Variants in GVQW3 observed in about 807,000 individuals in gnomAD.
GVQW3 encodes protein GVQW3.
A neutral mutation model predicts 12.5 loss-of-function variants in GVQW3; 7 were observed. That is an observed-to-expected ratio of 0.56 (90% CI 0.32 to 1.05). The LOEUF (loss-of-function observed/expected upper bound fraction) is 1.05. Among genes scored for constraint, GVQW3 ranks in the 50% least tolerant of loss-of-function variants. The pLI is 0.04. For missense variants in GVQW3, 188 were observed against 190.8 expected (o/e 0.99, Z 0.09); for synonymous variants, 71 against 67.2 (o/e 1.06, Z -0.28).
intron 1 of GVQW3, among the ~76,000 whole-genome samples, chr11:76,394,468 C>T (rs189687365): frequency 4.6e-5 from 7 of 152,240 alleles, no homozygotes; most frequent in African/African-American, 1.7e-4. Flanking sequence ...TGGCTTATTT[C>T]ACTTAACATA....
At chr11:76,387,132 C>G (rs1421728970) in intron 1 of GVQW3, among the ~76,000 whole-genome samples, 1 of 151,924 alleles carries the variant, frequency 6.6e-6, no homozygotes, top group Admixed American at 6.6e-5. Context: ...TTTTTTTAAA[C>G]CATTGAAAAA....
At chr11:76,397,002 CTTTTTTTTTT>C (rs11401694) in intron 1 of GVQW3, among the ~76,000 whole-genome samples, 3 of 110,872 alleles carry the variant, frequency 2.7e-5, no homozygotes, top group African/African-American at 3.4e-5. Context: ...TCATTTATTC[CTTTTTTTTTT>C]TTTTTTTTTT....
At chr11:76,388,028 A>G (rs896224876) in intron 1 of GVQW3, among the ~76,000 whole-genome samples, 5 of 152,260 alleles carry the variant, frequency 3.3e-5, no homozygotes, top group African/African-American at 1.2e-4. Context: ...TCTGGTTCAC[A>G]AAATAAATTT....
At chr11:76,387,225 C>T (rs762779589) in intron 1 of GVQW3, among the ~76,000 whole-genome samples, 6 of 151,852 alleles carry the variant, frequency 4.0e-5, no homozygotes, top group Non-Finnish European at 8.8e-5. Context: ...CACCTGAGGT[C>T]AGGAGTTCGA....
At chr11:76,403,519 G>C (rs1947010723) in intron 1 of GVQW3, 141 bp from the exon 2 acceptor site, 1 of 401,608 alleles carries the variant, frequency 2.5e-6, no homozygotes, top group Non-Finnish European at 4.4e-6. Flanking sequence ...ACCCATGCTG[G>C]AGTATAGTGG....
At chr11:76,388,148 CAAT>C (rs951760389) in intron 1 of GVQW3, among the ~76,000 whole-genome samples, 1 of 152,126 alleles carries the variant, frequency 6.6e-6, no homozygotes, top group Non-Finnish European at 1.5e-5. Context: ...CTGCAACCAA[CAAT>C]AATAGAATGA....
chr11:76,401,773 CAAAA>C (rs5792720), intron 1 of GVQW3, among the ~76,000 whole-genome samples: 1 of 88,936 alleles, frequency 1.1e-5, no homozygotes, highest in Non-Finnish European at 2.3e-5. Context: ...AACTCTGTCT[CAAAA>C]AAAAAAAAAA....
intron 1 of GVQW3, among the ~76,000 whole-genome samples, chr11:76,395,335 T>C (rs1025266239): frequency 6.6e-6 from 1 of 152,246 alleles, no homozygotes; most frequent in Non-Finnish European, 1.5e-5. Flanking sequence ...ATGAATCAAC[T>C]TTCTATCTCT....
intron 1 of GVQW3, among the ~76,000 whole-genome samples, chr11:76,386,991 A>G: frequency 6.6e-6 from 1 of 152,348 alleles, no homozygotes. Context: ...CTCTTTTGCC[A>G]CTAAACATTT....
chr11:76,394,666 C>T (rs1946923642), intron 1 of GVQW3, among the ~76,000 whole-genome samples: 1 of 152,258 alleles, frequency 6.6e-6, no homozygotes, highest in Middle Eastern at 3.4e-3. Flanking sequence ...GTGCAGGTAT[C>T]TCTTTGATAT....
intron 1 of GVQW3, among the ~76,000 whole-genome samples, chr11:76,400,445 A>G (rs1946978872): frequency 6.7e-6 from 1 of 148,470 alleles, no homozygotes; most frequent in Non-Finnish European, 1.5e-5. Context: ...TTTGAGATGG[A>G]GTCTCACTTT....
Position 76,397,282 on chromosome 11 carries a change from A to G in GVQW3, c.466-6378A>G, listed in dbSNP as rs1012467431. Among the ~76,000 whole-genome samples the G allele has an allele frequency of 9.2e-5, 14 of 152,036 alleles. No homozygotes were observed. In the South Asian group the frequency reaches 1.7e-3, roughly 18 times the overall value. ...CTCCCAAAGTGCTGGGATTACAGGC[A>G]TGAGCCACCACACTCAGCCCCTTCA... is the stretch of plus-strand genomic sequence containing the variant. On this transcript the variant is annotated intron_variant, in intron 1 of 1. Coordinates refer to ENST00000529331, the MANE Select transcript of GVQW3 (RefSeq NM_001347885.2).
Position 76,404,440 on chromosome 11 carries a change from G to C in GVQW3, c.*682G>C, listed in dbSNP as rs143371386. The C allele has an allele frequency of 1.8e-3, 283 of 154,858 alleles. 3 individuals carry two copies. The highest frequency in any genetic ancestry group is 6.6e-3 in the African/African-American group (277 of 41,690). The allele number at this position is 154,858 out of a possible 1,614,324, so 9.6% of individuals were successfully genotyped here. ...CTTCTCTCCATTGTTAGCCTTGATGGACAATTTTTGCTGGAGCAAATATTC... is the reference window on the plus strand; with the variant it reads ...CTTCTCTCCATTGTTAGCCTTGATGCACAATTTTTGCTGGAGCAAATATTC... On this transcript the variant is annotated 3_prime_UTR_variant, in exon 2 of 2. Coordinates refer to ENST00000529331, the MANE Select transcript of GVQW3 (RefSeq NM_001347885.2).
intron 1 of GVQW3, among the ~76,000 whole-genome samples, chr11:76,400,356 C>T (rs993024348): frequency 4.6e-5 from 7 of 151,908 alleles, no homozygotes; most frequent in Non-Finnish European, 7.4e-5. Context: ...TCAGGTAATC[C>T]ACCTGCCTCA....
chr11:76,400,740 A>G (rs1946982101), intron 1 of GVQW3, among the ~76,000 whole-genome samples: 1 of 151,596 alleles, frequency 6.6e-6, no homozygotes, highest in Admixed American at 6.6e-5. Flanking sequence ...ATCTTTCTGG[A>G]ACTCCTATGA....
intron 1 of GVQW3, among the ~76,000 whole-genome samples, chr11:76,386,940 T>A (rs2134539372): frequency 6.6e-6 from 1 of 152,248 alleles, no homozygotes; most frequent in South Asian, 2.1e-4. Flanking sequence ...AGTCCAGTGG[T>A]CAACAGACTT....
At chr11:76,388,190 C>A (rs1946855121) in intron 1 of GVQW3, among the ~76,000 whole-genome samples, 1 of 152,128 alleles carries the variant, frequency 6.6e-6, no homozygotes, top group African/African-American at 2.4e-5. Context: ...AATGATTTGA[C>A]CATGGGTAGC....
intron 1 of GVQW3, among the ~76,000 whole-genome samples, chr11:76,401,211 C>G (rs1202851131): frequency 5.3e-5 from 8 of 151,922 alleles, no homozygotes; most frequent in African/African-American, 1.9e-4. Context: ...TTTAATCATC[C>G]TTACTTCATA....
chr11:76,402,439 G>C (rs1438709424), intron 1 of GVQW3, among the ~76,000 whole-genome samples: 1 of 151,748 alleles, frequency 6.6e-6, no homozygotes, highest in Non-Finnish European at 1.5e-5. Flanking sequence ...TGTAATCCTA[G>C]CTACTCAGGA....
Sources: gnomAD v4.1 joint callset for allele counts (sites outside exome capture counted in the v4.1 genomes callset) on GRCh38, gnomAD v4.1.1 for gene constraint, MANE v1.5 for transcripts, NCBI Gene and HGNC (gene_info 2026-07-23, HGNC 2026-07-21) for gene names.